CADPS2: variants seen among roughly 807,000 people sequenced by gnomAD.
CADPS2 encodes the protein calcium dependent secretion activator 2.
A neutral mutation model predicts 172.5 loss-of-function variants in CADPS2; 93 were observed. The observed-to-expected ratio is 0.54, with a 90% CI of 0.46 to 0.64. The LOEUF is 0.64. Among genes scored for constraint, CADPS2 ranks in the 30% least tolerant of loss-of-function variants. CADPS2 has a pLI of 0.00. For missense variants in CADPS2, 1,420 were observed against 1,565.9 expected (o/e 0.91, Z 1.57); for synonymous variants, 546 against 555.2 (o/e 0.98, Z 0.23).
intron 1 of CADPS2, among the ~76,000 whole-genome samples, chr7:122,787,939 A>G (rs1399396512): frequency 6.6e-6 from 1 of 152,194 alleles, no homozygotes; most frequent in South Asian, 2.1e-4. Flanking sequence ...CAGTATTTAC[A>G]TGGTCCAACT....
At chr7:122,703,329 C>A (rs920372103) in intron 2 of CADPS2, among the ~76,000 whole-genome samples, 1 of 151,978 alleles carries the variant, frequency 6.6e-6, no homozygotes, top group African/African-American at 2.4e-5. Flanking sequence ...CCCAATATGG[C>A]ATTCTGTGGG....
In CADPS2 at chr7:122,820,851, G is replaced by T. The variant is rs62482481; in HGVS notation, c.339+65148C>A. Among the ~76,000 whole-genome samples, 124 of 126,374 alleles carry T rather than the reference G, an allele frequency of 9.8e-4. 19 individuals carry two copies. The highest frequency in any genetic ancestry group is 3.7e-3 in the African/African-American group (122 of 32,870). 82.9% of individuals were successfully genotyped at this position (126,374 alleles called of 152,430 possible). A position where few individuals can be genotyped will look rare whatever the true frequency, so the allele number is the denominator to read the frequency against. ...TGGGATTACAGGCGTGAGCCACCGC[G>T]CCCGGCCGACCTTACTGTTTTAGCC... On this transcript the variant is annotated intron_variant, in intron 1 of 29. Transcript: ENST00000449022.
chr7:122,376,322 C>A (rs2151316065), intron 25 of CADPS2, among the ~76,000 whole-genome samples: 1 of 152,198 alleles, frequency 6.6e-6, no homozygotes, highest in Non-Finnish European at 1.5e-5. Context: ...TTGGAAGCAA[C>A]TTTAATATCC....
intron 2 of CADPS2, among the ~76,000 whole-genome samples, chr7:122,696,795 AAC>A (rs1249157552): frequency 6.6e-6 from 1 of 152,184 alleles, no homozygotes; most frequent in African/African-American, 2.4e-5. Flanking sequence ...AATTGGGAAA[AAC>A]AGTCAAGTTT....
At chr7:122,340,243 TGTG>T (rs1440898383) in intron 28 of CADPS2, among the ~76,000 whole-genome samples, 1 of 152,164 alleles carries the variant, frequency 6.6e-6, no homozygotes, top group African/African-American at 2.4e-5. Flanking sequence ...AAAAAAATCT[TGTG>T]GAGATGAAAC....
chr7:122,534,378 A>G (rs1405272106), intron 8 of CADPS2, among the ~76,000 whole-genome samples: 3 of 152,136 alleles, frequency 2.0e-5, no homozygotes, highest in Non-Finnish European at 2.9e-5. Flanking sequence ...TCTCTAAGTG[A>G]TATTTCAGCA....
At chr7:122,563,750 T>C (rs1397117219) in intron 7 of CADPS2, among the ~76,000 whole-genome samples, 1 of 152,144 alleles carries the variant, frequency 6.6e-6, no homozygotes, top group African/African-American at 2.4e-5. Flanking sequence ...TTATTTTAGC[T>C]GTATCCTTAA....
In CADPS2 at chr7:122,574,535, T is replaced by C. The variant is rs1029726288; in HGVS notation, c.1335+6644A>G. Among the ~76,000 whole-genome samples the C allele has an allele frequency of 2.8e-4, 40 of 143,850 alleles. 1 individual carries two copies. 94.4% of individuals were successfully genotyped at this position (143,850 alleles called of 152,430 possible). A position where few individuals can be genotyped will look rare whatever the true frequency, so the allele number is the denominator to read the frequency against. On this transcript the variant is annotated intron_variant, in intron 7 of 29. Coordinates refer to ENST00000449022, the MANE Select transcript of CADPS2 (RefSeq NM_017954.11). ...GTTAGTTTCTAAATTCCATCATCAC[T>C]AAAAACAACCAGTGCTAATAACAGG...
At chr7:122,402,209 G>A (rs537126739) in intron 20 of CADPS2, among the ~76,000 whole-genome samples, 66 of 151,878 alleles carry the variant, frequency 4.3e-4, no homozygotes, top group Non-Finnish European at 8.4e-4. Flanking sequence ...CTCTGCCCCC[G>A]ACAACACAAT....
intron 1 of CADPS2, among the ~76,000 whole-genome samples, chr7:122,871,237 C>T (rs1159476505): frequency 6.6e-6 from 1 of 151,544 alleles, no homozygotes; most frequent in Non-Finnish European, 1.5e-5. Flanking sequence ...CTTATGTATT[C>T]CAGCATTTTC....
intron 6 of CADPS2, among the ~76,000 whole-genome samples, chr7:122,590,369 TG>T (rs2070591232): frequency 6.6e-6 from 1 of 151,930 alleles, no homozygotes; most frequent in Non-Finnish European, 1.5e-5. Flanking sequence ...TAAAAATTAA[TG>T]GGATATCCAA....
intron 17 of CADPS2, among the ~76,000 whole-genome samples, chr7:122,418,546 C>T (rs1337161130): frequency 6.6e-6 from 1 of 152,090 alleles, no homozygotes; most frequent in Non-Finnish European, 1.5e-5. Flanking sequence ...TGGTGGTTGC[C>T]TCCAACAAGG....
intron 8 of CADPS2, among the ~76,000 whole-genome samples, chr7:122,521,524 G>A (rs2060796972): frequency 6.6e-6 from 1 of 151,890 alleles, no homozygotes; most frequent in Non-Finnish European, 1.5e-5. Context: ...AAAAGAAACT[G>A]ATTCCAGACA....
At chr7:122,339,629 G>A (rs1231751624) in intron 28 of CADPS2, among the ~76,000 whole-genome samples, 2 of 152,202 alleles carry the variant, frequency 1.3e-5, no homozygotes, top group African/African-American at 4.8e-5. Context: ...GCTCATGTCT[G>A]TAATCTCAGC....
chr7:122,473,962 T>C (rs1348588222), intron 13 of CADPS2, among the ~76,000 whole-genome samples: 1 of 152,220 alleles, frequency 6.6e-6, no homozygotes, highest in Admixed American at 6.5e-5. Context: ...ACTTAGGTTG[T>C]CCTTCTAAGA....
intron 20 of CADPS2, among the ~76,000 whole-genome samples, chr7:122,398,033 T>C (rs1318222040): frequency 1.3e-5 from 2 of 152,178 alleles, no homozygotes; most frequent in Admixed American, 1.3e-4. Flanking sequence ...AGCCCTATGG[T>C]ACAATTAGAA....
intron 9 of CADPS2, among the ~76,000 whole-genome samples, chr7:122,504,573 C>T (rs759692109): frequency 6.6e-6 from 1 of 151,946 alleles, no homozygotes; most frequent in Non-Finnish European, 1.5e-5. Flanking sequence ...GGGCATGTTT[C>T]TTTTATTTTT....
chr7:122,783,192 CAA>C (rs1001289886), intron 1 of CADPS2, among the ~76,000 whole-genome samples: 3 of 63,484 alleles, frequency 4.7e-5, no homozygotes, highest in Admixed American at 1.9e-4. Flanking sequence ...GACTCCATCT[CAA>C]AAAAAAAAAA....
intron 14 of CADPS2, 132 bp from the exon 15 acceptor site, chr7:122,451,607 T>G (rs1038995926): frequency 4.2e-6 from 2 of 478,000 alleles, no homozygotes; most frequent in Non-Finnish European, 3.6e-6. Flanking sequence ...CAGTGGAAAT[T>G]TACTGGAAAT....
Sources: allele counts gnomAD v4.1 joint callset (sites outside exome capture counted in the v4.1 genomes callset), GRCh38; gene constraint gnomAD v4.1.1; transcripts MANE v1.5; gene names NCBI Gene and HGNC (gene_info 2026-07-23, HGNC 2026-07-21).